The following RNF125 variants were observed in gnomAD, a reference collection of about 807,000 sequenced individuals.
The protein encoded by RNF125 is ring finger protein 125.
A neutral mutation model predicts 26.0 loss-of-function variants in RNF125; 21 were observed. The ratio of observed to expected loss-of-function variants is 0.81; its 90% confidence interval spans 0.57 to 1.16. The LOEUF is 1.16. RNF125 is among the 50% of genes most tolerant of loss of function. The probability of loss-of-function intolerance (pLI) is 0.00; values close to 1 mark genes in which losing one functional copy is unlikely to be tolerated. For missense variants in RNF125, 270 were observed against 299.4 expected, an observed-to-expected ratio of 0.90 and a Z score of 0.72; for synonymous variants, 95 against 109.2, an observed-to-expected ratio of 0.87 and a Z score of 0.81.
rs1165273485 is a variant in RNF125, at chr18:32,028,298, A to T, written c.165-8818A>T. Among the ~76,000 whole-genome samples the T allele has an allele frequency of 4.8e-4, 32 of 67,182 alleles. 1 individual carries two copies. The highest frequency in any genetic ancestry group is 3.4e-3 in the Admixed American group (27 of 7,870). The allele number at this position is 67,182 out of a possible 152,430, so 44.1% of individuals were successfully genotyped here. A position where few individuals can be genotyped will look rare whatever the true frequency, so the allele number is the denominator to read the frequency against. On this transcript the variant is annotated intron_variant, in intron 1 of 5. Coordinates refer to ENST00000217740, the MANE Select transcript of RNF125 (RefSeq NM_017831.4). The stretch of plus-strand genomic sequence containing the variant: ...GGGCAACAGAGCGAGACTCCGTCTT[A>T]AAAAAAAAAAAAAAAAAAAAAAAAA...
At chr18:32,031,933 G>A (rs1340763930) in intron 1 of RNF125, among the ~76,000 whole-genome samples, 2 of 151,828 alleles carry the variant, frequency 1.3e-5, no homozygotes, top group South Asian at 2.1e-4. Context: ...ATGGAGTCTT[G>A]CTGTTGCCCA....
intron 4 of RNF125, among the ~76,000 whole-genome samples, chr18:32,050,434 C>G (rs1178628245): frequency 6.6e-6 from 1 of 152,206 alleles, no homozygotes; most frequent in Non-Finnish European, 1.5e-5. Flanking sequence ...ATCCTTACCT[C>G]AGCTTCCTGA....
At chr18:32,029,501 C>T (rs1400635732) in intron 1 of RNF125, among the ~76,000 whole-genome samples, 1 of 151,304 alleles carries the variant, frequency 6.6e-6, no homozygotes, top group Non-Finnish European at 1.5e-5. Flanking sequence ...TGGGGCATGC[C>T]TGTAGTCCCA....
chr18:32,064,373 T>C (rs113689862), intron 4 of RNF125, among the ~76,000 whole-genome samples: 15 of 141,908 alleles, frequency 1.1e-4, no homozygotes, highest in South Asian at 9.1e-4. Flanking sequence ...ACAGGCAAAA[T>C]CTGGTGAAAT....
At chr18:32,079,413 C>G in the RNF125 span, among the ~76,000 whole-genome samples, 1 of 152,202 alleles carries the variant, frequency 6.6e-6, no homozygotes, top group Admixed American at 6.5e-5. Flanking sequence ...CAGTCCTTAA[C>G]AACATGTTCA....
At chr18:32,034,828 T>C (rs945866615) in intron 1 of RNF125, among the ~76,000 whole-genome samples, 1 of 150,326 alleles carries the variant, frequency 6.7e-6, no homozygotes, top group Admixed American at 6.7e-5. Context: ...GGCAGGAGAA[T>C]TGCTTGAACC....
intron 3 of RNF125, among the ~76,000 whole-genome samples, chr18:32,042,886 C>T (rs1028712776): frequency 2.6e-5 from 4 of 151,578 alleles, no homozygotes; most frequent in Non-Finnish European, 4.4e-5. Context: ...TGGTGGCTCA[C>T]ACCTGCAATC....
intron 4 of RNF125, among the ~76,000 whole-genome samples, chr18:32,053,485 G>C (rs12455807): frequency 6.6e-6 from 1 of 151,666 alleles, no homozygotes; most frequent in East Asian, 1.9e-4. Context: ...ACTGTCAACT[G>C]TAGGCCAACT....
chr18:32,019,273 A>C (rs2038962543), intron 1 of RNF125, among the ~76,000 whole-genome samples: 1 of 152,206 alleles, frequency 6.6e-6, no homozygotes, highest in Admixed American at 6.5e-5. Flanking sequence ...CAGCTCCCGA[A>C]GCCCAGGTGC....
chr18:32,064,541 A>G (rs747968231), intron 4 of RNF125, among the ~76,000 whole-genome samples: 6 of 148,200 alleles, frequency 4.0e-5, no homozygotes, highest in Non-Finnish European at 7.5e-5. Context: ...TTGGGTGGGG[A>G]CAAGTTTCCA....
chr18:32,045,561 CA>C (rs113849815), intron 3 of RNF125, 80 bp from the exon 4 acceptor site: 30,774 of 685,108 alleles, frequency 0.045, no homozygotes, highest in South Asian at 0.071. Context: ...ACTCTTGTCT[CA>C]AAAAAAAAAA....
intron 4 of RNF125, among the ~76,000 whole-genome samples, chr18:32,048,595 A>G (rs2039295660): frequency 6.6e-6 from 1 of 152,178 alleles, no homozygotes; most frequent in Admixed American, 6.6e-5. Context: ...GGTAAGTAAC[A>G]AAGACAGAAT....
At chr18:32,036,154 CAAA>C (rs59263221) in intron 1 of RNF125, among the ~76,000 whole-genome samples, 59 of 120,432 alleles carry the variant, frequency 4.9e-4, no homozygotes, top group Non-Finnish European at 1.6e-4. Flanking sequence ...GACTCCATCT[CAAA>C]AAAAAAAAAA....
chr18:32,058,072 C>T (rs965569157), intron 4 of RNF125, among the ~76,000 whole-genome samples: 1 of 141,026 alleles, frequency 7.1e-6, no homozygotes, highest in African/African-American at 2.7e-5. Flanking sequence ...TTTGTGGTTA[C>T]AGTGAGCCAT....
chr18:32,065,774 G>A (rs903171457), intron 4 of RNF125, 128 bp from the exon 5 acceptor site: 54 of 632,236 alleles, frequency 8.5e-5, no homozygotes, highest in Non-Finnish European at 3.7e-5. Context: ...CTGGTGATCC[G>A]GCCGCCTCTG....
the RNF125 span, among the ~76,000 whole-genome samples, chr18:32,087,872 G>GTA: frequency 6.6e-6 from 1 of 152,082 alleles, no homozygotes; most frequent in Non-Finnish European, 1.5e-5. Context: ...TGCACATTAT[G>GTA]TATACCCTTT....
intron 1 of RNF125, among the ~76,000 whole-genome samples, chr18:32,023,258 C>T (rs1399255015): frequency 1.3e-5 from 2 of 152,148 alleles, no homozygotes; most frequent in African/African-American, 4.8e-5. Flanking sequence ...GTTCAAGTGA[C>T]TGTCCCGCCT....
At chr18:32,079,048 G>A in the RNF125 span, among the ~76,000 whole-genome samples, 1 of 152,156 alleles carries the variant, frequency 6.6e-6, no homozygotes, top group African/African-American at 2.4e-5. Context: ...TCCATGAGAT[G>A]GGGAGTTCCT....
chr18:32,024,030 T>C (rs1423506412), intron 1 of RNF125, among the ~76,000 whole-genome samples: 1 of 152,172 alleles, frequency 6.6e-6, no homozygotes, highest in African/African-American at 2.4e-5. Flanking sequence ...TTACATATCT[T>C]TTATAACCTC....
Sources: allele counts gnomAD v4.1 joint callset (sites outside exome capture counted in the v4.1 genomes callset), GRCh38; gene constraint gnomAD v4.1.1; transcripts MANE v1.5; gene names NCBI Gene and HGNC (gene_info 2026-07-23, HGNC 2026-07-21).